GRAMD2B: variants seen among roughly 807,000 people sequenced by gnomAD.
GRAMD2B encodes the protein GRAM domain containing 2B.
GRAMD2B carries 41 observed loss-of-function variants against 59.2 expected under a neutral mutation model. The observed-to-expected ratio is 0.69, with a 90% CI of 0.54 to 0.90. The LOEUF is 0.90. GRAMD2B is among the 40% of genes least tolerant of loss of function. The pLI, the probability that GRAMD2B is intolerant of heterozygous loss-of-function variation, is 0.00. For synonymous variants in GRAMD2B, 161 were observed against 182.7 expected, an observed-to-expected ratio of 0.88 and a Z score of 0.96; for missense variants, 424 against 500.5, an observed-to-expected ratio of 0.85 and a Z score of 1.46.
chr5:126,404,884 C>T (rs1351517193), intron 1 of GRAMD2B, among the ~76,000 whole-genome samples: 2 of 151,878 alleles, frequency 1.3e-5, no homozygotes, highest in African/African-American at 4.8e-5. Flanking sequence ...ATCATGAATA[C>T]TCATAGGACA....
chr5:126,477,318 G>T (rs1328742319), intron 5 of GRAMD2B, among the ~76,000 whole-genome samples: 1 of 152,222 alleles, frequency 6.6e-6, no homozygotes, highest in Non-Finnish European at 1.5e-5. Flanking sequence ...AGACAGAGGA[G>T]AGTAGGGCAT....
At chr5:126,443,253 A>C (rs999343466) in intron 1 of GRAMD2B, among the ~76,000 whole-genome samples, 4 of 152,218 alleles carry the variant, frequency 2.6e-5, no homozygotes, top group African/African-American at 9.6e-5. Flanking sequence ...TCCCATGCCT[A>C]AATCGTTCTG....
In GRAMD2B at chr5:126,387,288, T is replaced by C. The variant is rs554702211; in HGVS notation, c.125+15721T>C. On this transcript the variant is annotated intron_variant, in intron 1 of 8. Transcript: ENST00000506445. ...TAACTCTTCTGAAAAAAAAAAAGGA[T>C]TATCTCTTTTTATAAAAAGACAAGT... Among the ~76,000 whole-genome samples, 430 of 151,798 alleles carry C rather than the reference T, an allele frequency of 2.8e-3. 1 individual carries two copies. The highest frequency in any genetic ancestry group is 0.01 in the African/African-American group (415 of 41,468).
At chr5:126,465,363 C>A (rs558279953) in intron 1 of GRAMD2B, 63 bp from the exon 2 acceptor site, 3 of 1,606,620 alleles carry the variant, frequency 1.9e-6, no homozygotes, top group Admixed American at 1.7e-5. Flanking sequence ...GTTACTTCAT[C>A]GTTTTCCTTC....
At chr5:126,400,486 T>G (rs1355303761) in intron 1 of GRAMD2B, among the ~76,000 whole-genome samples, 3 of 146,384 alleles carry the variant, frequency 2.0e-5, no homozygotes, top group Non-Finnish European at 3.0e-5. Context: ...TTAGAAGTGA[T>G]GTACACACTG....
At chr5:126,450,997 C>G (rs1765258691) in intron 1 of GRAMD2B, among the ~76,000 whole-genome samples, 1 of 152,222 alleles carries the variant, frequency 6.6e-6, no homozygotes, top group African/African-American at 2.4e-5. Flanking sequence ...CAGGGCACTG[C>G]CTAGTGGAAC....
intron 8 of GRAMD2B, among the ~76,000 whole-genome samples, chr5:126,481,331 A>T (rs1292225097): frequency 6.6e-6 from 1 of 152,156 alleles, no homozygotes; most frequent in Non-Finnish European, 1.5e-5. Flanking sequence ...CCGTAGAGTA[A>T]ATCTCCAGTG....
In GRAMD2B at chr5:126,493,179, C is replaced by T. The variant is rs1058512; in HGVS notation, c.*223C>T. The T allele has an allele frequency of 1.8e-6, 1 of 541,156 alleles. No individual in the cohort carries two copies. The highest frequency in any genetic ancestry group is 3.3e-6 in the Non-Finnish European group (1 of 299,242). The allele number at this position is 541,156 out of a possible 1,614,324, so 33.5% of individuals were successfully genotyped here. On this transcript the variant is annotated 3_prime_UTR_variant, in exon 14 of 14. Transcript: ENST00000285689. Reference sequence around the variant, plus strand: ...TGACTCTCTGAGGAAGATTTTGCTGCTTTTGCCTGAAGAAAACAGACCCAT... The same window carrying T: ...TGACTCTCTGAGGAAGATTTTGCTGTTTTTGCCTGAAGAAAACAGACCCAT...
intron 1 of GRAMD2B, among the ~76,000 whole-genome samples, chr5:126,363,333 A>C (rs1754305695): frequency 6.6e-6 from 1 of 152,196 alleles, no homozygotes; most frequent in South Asian, 2.1e-4. Flanking sequence ...GTTGGCAAGC[A>C]TGTGGAGAAA....
intron 1 of GRAMD2B, among the ~76,000 whole-genome samples, chr5:126,403,093 C>T (rs760582337): frequency 2.6e-4 from 39 of 151,920 alleles, no homozygotes; most frequent in South Asian, 4.1e-4. Context: ...ATGCCATTTC[C>T]TCCTTGGCAG....
At chr5:126,406,569 G>T (rs1477584423) in intron 1 of GRAMD2B, among the ~76,000 whole-genome samples, 3 of 151,718 alleles carry the variant, frequency 2.0e-5, no homozygotes, top group Non-Finnish European at 4.4e-5. Flanking sequence ...CTTTTAAATA[G>T]AGAAGATAAC....
intron 1 of GRAMD2B, 139 bp downstream of exon 1, chr5:126,423,828 TCTCA>T (rs1254037693): frequency 3.0e-6 from 2 of 660,804 alleles, no homozygotes; most frequent in Admixed American, 7.7e-5. Context: ...TCTCTCTGTC[TCTCA>T]CTCTCTCTCT....
At chr5:126,369,456 A>C (rs1169151546), upstream of GRAMD2B, among the ~76,000 whole-genome samples, 3 of 152,172 alleles carry the variant, frequency 2.0e-5, no homozygotes, top group Admixed American at 6.5e-5. Context: ...TGCTATATTG[A>C]CTCAAAAGAT....
chr5:126,455,941 A>G (rs953045015), intron 1 of GRAMD2B, among the ~76,000 whole-genome samples: 3 of 152,096 alleles, frequency 2.0e-5, no homozygotes, highest in Non-Finnish European at 4.4e-5. Context: ...TTCTGTGTTT[A>G]TGTACTGAAC....
At chr5:126,389,563 A>T (rs1756516121) in intron 1 of GRAMD2B, among the ~76,000 whole-genome samples, 1 of 152,256 alleles carries the variant, frequency 6.6e-6, no homozygotes, top group African/African-American at 2.4e-5. Flanking sequence ...GCAAGTTAAT[A>T]CAGGAAAAAC....
intron 1 of GRAMD2B, among the ~76,000 whole-genome samples, chr5:126,401,839 T>C (rs1304599204): frequency 6.6e-6 from 1 of 152,112 alleles, no homozygotes; most frequent in African/African-American, 2.4e-5. Flanking sequence ...AGACCATATC[T>C]ACTCAGCTTA....
intron 1 of GRAMD2B, among the ~76,000 whole-genome samples, chr5:126,398,834 T>C (rs762281963): frequency 6.6e-6 from 1 of 152,188 alleles, no homozygotes; most frequent in Non-Finnish European, 1.5e-5. Context: ...TCTTAAGTTA[T>C]CTTTTGAGTT....
rs553330733 is a variant in GRAMD2B, at chr5:126,417,080, A to T, written c.125+45513A>T. 2.6e-5 allele frequency among the ~76,000 whole-genome samples: 4 copies of T among 152,354 alleles called. No individual in the cohort carries two copies. In the South Asian group the frequency reaches 8.3e-4, roughly 32 times the overall value. On this transcript the variant is annotated intron_variant, in intron 1 of 8. Coordinates refer to the GRAMD2B transcript ENST00000506445. Reference sequence around the variant, plus strand: ...TTACCCACATGCCTAATGACAAAGTATCTATAGTCAGAGGGCCTAATCTAT... The same window carrying T: ...TTACCCACATGCCTAATGACAAAGTTTCTATAGTCAGAGGGCCTAATCTAT...
At chr5:126,411,482 A>G (rs937454247) in intron 1 of GRAMD2B, among the ~76,000 whole-genome samples, 3 of 152,094 alleles carry the variant, frequency 2.0e-5, no homozygotes, top group Non-Finnish European at 4.4e-5. Flanking sequence ...CTGTACCAGT[A>G]CCATGCTGTT....
Sources: gnomAD v4.1 joint callset for allele counts (sites outside exome capture counted in the v4.1 genomes callset) on GRCh38, gnomAD v4.1.1 for gene constraint, MANE v1.5 for transcripts, NCBI Gene and HGNC (gene_info 2026-07-23, HGNC 2026-07-21) for gene names.